The following PPTC7 variants were observed in gnomAD, a reference collection of about 807,000 sequenced individuals.
PPTC7 encodes protein phosphatase targeting COQ7, also known as protein phosphatase PTC7 homolog.
Under a neutral mutation model 30.8 loss-of-function variants are expected in PPTC7, and 6 were observed. The observed-to-expected ratio is 0.19, with a 90% CI of 0.11 to 0.38. PPTC7 has a LOEUF of 0.38. Ranked by LOEUF, PPTC7 falls within the 10% of genes least tolerant of loss-of-function variation. The pLI is 1.00. For synonymous variants in PPTC7, 163 were observed against 168.1 expected, an observed-to-expected ratio of 0.97 and a Z score of 0.23; for missense variants, 218 against 404.8, an observed-to-expected ratio of 0.54 and a Z score of 3.96.
At chr12:110,574,493 T>C (rs569854441) in intron 1 of PPTC7, among the ~76,000 whole-genome samples, 32 of 152,286 alleles carry the variant, frequency 2.1e-4, no homozygotes, top group African/African-American at 6.3e-4. Flanking sequence ...TCCTTCCCCA[T>C]TGCCCAATCC....
chr12:110,576,166 G>C (rs1431189952), intron 1 of PPTC7, among the ~76,000 whole-genome samples: 1 of 151,892 alleles, frequency 6.6e-6, no homozygotes, highest in Non-Finnish European at 1.5e-5. Context: ...ATTTTCTCTT[G>C]GAAGCACACA....
intron 1 of PPTC7, among the ~76,000 whole-genome samples, chr12:110,567,847 A>G (rs1156395137): frequency 6.6e-6 from 1 of 152,192 alleles, no homozygotes; most frequent in Non-Finnish European, 1.5e-5. Flanking sequence ...TTGCCTCTTG[A>G]GAGGACTTTG....
intron 1 of PPTC7, among the ~76,000 whole-genome samples, chr12:110,557,678 CTCTG>C (rs1398499102): frequency 6.6e-6 from 1 of 152,156 alleles, no homozygotes; most frequent in Non-Finnish European, 1.5e-5. Flanking sequence ...TGAATGTGGT[CTCTG>C]TCTGTATTAT....
At chr12:110,580,430 C>T (rs1394101942) in intron 1 of PPTC7, among the ~76,000 whole-genome samples, 2 of 151,398 alleles carry the variant, frequency 1.3e-5, no homozygotes, top group African/African-American at 4.9e-5. Context: ...CCTCCATCTC[C>T]CAGGTTCAAG....
rs1435884416 is a variant in PPTC7 at position 110,536,297 on chromosome 12, A to G, written c.*740T>C. The G allele has an allele frequency of 6.6e-6, 1 of 152,160 alleles. No individual in the cohort carries two copies. Among genetic ancestry groups the G allele is most frequent in the Non-Finnish European group, 1.5e-5 (1 of 68,016 alleles). 9.4% of individuals were successfully genotyped at this position (152,160 alleles called of 1,614,324 possible). On this transcript the variant is annotated 3_prime_UTR_variant, in exon 6 of 6. Transcript: ENST00000354300. Reference sequence around the variant, plus strand: ...AAAATACTGGTAAAGTGTCTCCCCTACCCCTCCTGGAGATCAGGCCTTAGC... The same window carrying G: ...AAAATACTGGTAAAGTGTCTCCCCTGCCCCTCCTGGAGATCAGGCCTTAGC...
intron 1 of PPTC7, among the ~76,000 whole-genome samples, chr12:110,569,996 GAAC>G (rs773658520): frequency 2.0e-4 from 30 of 152,184 alleles, no homozygotes; most frequent in African/African-American, 6.5e-4. Flanking sequence ...CAAGATCCTG[GAAC>G]AACAACAACA....
intron 1 of PPTC7, among the ~76,000 whole-genome samples, chr12:110,560,410 A>T (rs569852007): frequency 4.2e-4 from 64 of 152,080 alleles, no homozygotes; most frequent in Middle Eastern, 3.4e-3. Context: ...TCAAAAAATA[A>T]AAAATAAAAA....
In PPTC7 at chr12:110,539,925, G is replaced by A. The variant is rs756830537; in HGVS notation, c.623C>T (p.Thr208Met). 5.0e-6 allele frequency: 8 copies of A among 1,613,924 alleles called. No homozygotes were observed. The African/African-American group carries it at 5.3e-5, about 11-fold the overall frequency. Residue 208 changes from threonine (T) to methionine (M), a missense_variant, in exon 4 of 6, where the codon ACG becomes ATG. Transcript: ENST00000354300. ...LSDSPDAADSTSFDVQLGDII... is the reference protein window; with the variant it reads ...LSDSPDAADSMSFDVQLGDII... ...GTCTCCTAGCTGGACATCGAAAGACGTGCTATCAGCAGCATCCGGACTGTG... is the reference window on the plus strand; with the variant it reads ...GTCTCCTAGCTGGACATCGAAAGACATGCTATCAGCAGCATCCGGACTGTG...
intron 2 of PPTC7, among the ~76,000 whole-genome samples, chr12:110,548,711 A>G (rs1186346377): frequency 2.6e-5 from 4 of 152,134 alleles, no homozygotes; most frequent in African/African-American, 9.7e-5. Flanking sequence ...TTATATACTC[A>G]CTGACGAAGC....
intron 1 of PPTC7, 151 bp from the exon 2 acceptor site, chr12:110,552,119 T>C: frequency 1.6e-6 from 1 of 636,988 alleles, no homozygotes; most frequent in Non-Finnish European, 2.7e-6. Flanking sequence ...ACGTTTAATG[T>C]ATTCTACACT....
chr12:110,537,129 T>TA, intron 5 of PPTC7, 34 bp from the exon 6 acceptor site: 1 of 1,523,714 alleles, frequency 6.6e-7, no homozygotes, highest in Non-Finnish European at 9.1e-7. Flanking sequence ...CAGTATATTT[T>TA]AAAAGGAAAA....
Position 110,582,621 on chromosome 12 carries a change from A to G in PPTC7, c.223+188T>C, listed in dbSNP as rs535737391. Among the ~76,000 whole-genome samples the G allele has an allele frequency of 2.0e-5, 3 of 152,232 alleles. No individual in the cohort carries two copies. In the South Asian group the frequency reaches 6.2e-4, roughly 32 times the overall value. ...GCGCCTTAGTTTCCTCCTCTCTAAA[A>G]TGGGGGTCGTTCAAGCGGAAAACGC... On this transcript the variant is annotated intron_variant, in intron 1 of 5. Coordinates refer to ENST00000354300, the MANE Select transcript of PPTC7 (RefSeq NM_139283.2).
intron 1 of PPTC7, among the ~76,000 whole-genome samples, chr12:110,577,718 T>TTAAC (rs10622869): frequency 0.81 from 122,511 of 151,724 alleles, 49,745 homozygotes; most frequent in East Asian, 1. Context: ...GGTTTCAAGT[T>TTAAC]TAAGCTTAAA....
At chr12:110,558,215 GT>G (rs2064405368) in intron 1 of PPTC7, among the ~76,000 whole-genome samples, 1 of 152,206 alleles carries the variant, frequency 6.6e-6, no homozygotes, top group African/African-American at 2.4e-5. Context: ...TGGAAGTGTT[GT>G]GTATAAAGTG....
At chr12:110,549,705 G>GA (rs1457869206) in intron 2 of PPTC7, among the ~76,000 whole-genome samples, 2 of 152,076 alleles carry the variant, frequency 1.3e-5, no homozygotes, top group Non-Finnish European at 1.5e-5. Flanking sequence ...GTAGGAATAG[G>GA]AAAAAGAAAA....
chr12:110,556,537 T>C (rs1352448393), intron 1 of PPTC7, among the ~76,000 whole-genome samples: 1 of 152,142 alleles, frequency 6.6e-6, no homozygotes, highest in Admixed American at 6.5e-5. Context: ...CTTTAAACAG[T>C]GGAACTGATC....
chr12:110,579,729 T>C (rs1196104865), intron 1 of PPTC7, among the ~76,000 whole-genome samples: 1 of 152,134 alleles, frequency 6.6e-6, no homozygotes, highest in Non-Finnish European at 1.5e-5. Context: ...AAGTAAAATA[T>C]GGGCTGGGCG....
chr12:110,576,730 G>A (rs985781594), intron 1 of PPTC7, among the ~76,000 whole-genome samples: 4 of 151,818 alleles, frequency 2.6e-5, no homozygotes, highest in Admixed American at 6.6e-5. Flanking sequence ...ATGGATAGGG[G>A]GTTTCTTGGG....
chr12:110,581,917 A>G (rs144767737), intron 1 of PPTC7, among the ~76,000 whole-genome samples: 220 of 152,342 alleles, frequency 1.4e-3, no homozygotes, highest in African/African-American at 4.7e-3. Context: ...TTATTCATTC[A>G]AAGAGTTTTA....
Sources: gnomAD v4.1 joint callset for allele counts (sites outside exome capture counted in the v4.1 genomes callset) on GRCh38, gnomAD v4.1.1 for gene constraint, MANE v1.5 for transcripts, NCBI Gene and HGNC (gene_info 2026-07-23, HGNC 2026-07-21) for gene names.